The following SHISA9 variants were observed in gnomAD, a reference collection of about 807,000 sequenced individuals.
SHISA9 encodes protein shisa-9.
Under a neutral mutation model 38.0 loss-of-function variants are expected in SHISA9, and 13 were observed. The ratio of observed to expected loss-of-function variants is 0.34; its 90% CI spans 0.22 to 0.54. The LOEUF is 0.54. Ranked by LOEUF, SHISA9 falls within the 20% of genes least tolerant of loss-of-function variation. The pLI, the probability that SHISA9 is intolerant of heterozygous loss-of-function variation, is 0.91. For missense variants in SHISA9, 538 were observed against 575.8 expected (o/e 0.93, Z 0.67); for synonymous variants, 275 against 242.0 (o/e 1.14, Z -1.27).
intron 2 of SHISA9, among the ~76,000 whole-genome samples, chr16:12,984,241 C>A (rs926014771): frequency 6.6e-6 from 1 of 152,146 alleles, no homozygotes; most frequent in African/African-American, 2.4e-5. Flanking sequence ...AGAGGAGGTG[C>A]TGAGTGCCAG....
the SHISA9 span, among the ~76,000 whole-genome samples, chr16:13,394,489 G>A: frequency 6.6e-6 from 1 of 152,106 alleles, no homozygotes; most frequent in Non-Finnish European, 1.5e-5. Context: ...TCTACACTCA[G>A]TTCAGATGTT....
At chr16:13,334,378 G>C in the SHISA9 span, among the ~76,000 whole-genome samples, 1 of 152,204 alleles carries the variant, frequency 6.6e-6, no homozygotes, top group African/African-American at 2.4e-5. Flanking sequence ...TTTGAAATTA[G>C]AGTCCTGCTA....
At chr16:13,485,262 A>G in the SHISA9 span, among the ~76,000 whole-genome samples, 2 of 150,742 alleles carry the variant, frequency 1.3e-5, no homozygotes, top group Non-Finnish European at 3.0e-5. Context: ...TCATTGGTCA[A>G]CTCCCACTTA....
chr16:13,198,672 A>G (rs1216908830), intron 2 of SHISA9, among the ~76,000 whole-genome samples: 2 of 152,204 alleles, frequency 1.3e-5, no homozygotes, highest in East Asian at 3.8e-4. Context: ...CTTCCTGTCC[A>G]GTGAAAAGAA....
chr16:13,162,881 A>G (rs1429936367), intron 2 of SHISA9, among the ~76,000 whole-genome samples: 1 of 152,020 alleles, frequency 6.6e-6, no homozygotes, highest in Admixed American at 6.6e-5. Flanking sequence ...AGCACATCTT[A>G]TTTTATCACC....
At chr16:13,492,212 C>T in the SHISA9 span, among the ~76,000 whole-genome samples, 1 of 152,078 alleles carries the variant, frequency 6.6e-6, no homozygotes, top group African/African-American at 2.4e-5. Context: ...TCAAATACAG[C>T]TTCCCCAGCA....
At chr16:13,179,210 T>C (rs543533696) in intron 2 of SHISA9, among the ~76,000 whole-genome samples, 3 of 152,206 alleles carry the variant, frequency 2.0e-5, no homozygotes, top group African/African-American at 4.8e-5. Context: ...TCCCACCTAT[T>C]CAGGAGGCTG....
chr16:13,284,124 C>T, the SHISA9 span, among the ~76,000 whole-genome samples: 1 of 152,192 alleles, frequency 6.6e-6, no homozygotes, highest in African/African-American at 2.4e-5. Flanking sequence ...TGCTCTCTGC[C>T]TTCTCAACTT....
the SHISA9 span, among the ~76,000 whole-genome samples, chr16:13,377,032 A>G: frequency 6.6e-6 from 1 of 152,326 alleles, no homozygotes; most frequent in East Asian, 1.9e-4. Flanking sequence ...GTTAATGAGA[A>G]AAAAACCTTT....
At chr16:12,969,401 T>A (rs2072025248) in intron 2 of SHISA9, among the ~76,000 whole-genome samples, 1 of 150,674 alleles carries the variant, frequency 6.6e-6, no homozygotes, top group African/African-American at 2.4e-5. Flanking sequence ...GCTCACTTGG[T>A]GGAAATTCAT....
rs568355271 is a variant in SHISA9, at chr16:12,978,090, G to T, written c.691+61275G>T. Among the ~76,000 whole-genome samples, 321 of 152,304 alleles carry T rather than the reference G, an allele frequency of 2.1e-3. 1 individual carries two copies. Among genetic ancestry groups the T allele is most frequent in the African/African-American group, 7.1e-3 (294 of 41,556 alleles). ...GACTAGTTGGTGCAAAGACAGGCAAGAGAAACAAACAGAAAGGGAGTACTT... is the reference window on the plus strand; with the variant it reads ...GACTAGTTGGTGCAAAGACAGGCAATAGAAACAAACAGAAAGGGAGTACTT... On this transcript the variant is annotated intron_variant, in intron 2 of 4. Coordinates refer to ENST00000558583, the MANE Select transcript of SHISA9 (RefSeq NM_001145204.3).
intron 2 of SHISA9, among the ~76,000 whole-genome samples, chr16:13,181,286 TATATATATATATATATATATATATATAC>T (rs1194580080): frequency 2.9e-4 from 12 of 41,048 alleles, no homozygotes; most frequent in South Asian, 2.2e-3. Flanking sequence ...TATATATATA[TATATATATATATATATATATATATATAC>T]ACACACACAC....
chr16:12,960,234 T>C (rs923419146), intron 2 of SHISA9, among the ~76,000 whole-genome samples: 1 of 152,250 alleles, frequency 6.6e-6, no homozygotes, highest in African/African-American at 2.4e-5. Flanking sequence ...TCCGTCACAA[T>C]GTCTAGCGTA....
At chr16:13,078,982 G>A (rs2073616117) in intron 2 of SHISA9, among the ~76,000 whole-genome samples, 1 of 152,230 alleles carries the variant, frequency 6.6e-6, no homozygotes, top group African/African-American at 2.4e-5. Flanking sequence ...CTGGGACTAT[G>A]CAGCAGCCAG....
chr16:13,241,404 G>A (rs2051434271), downstream of SHISA9, among the ~76,000 whole-genome samples: 1 of 152,170 alleles, frequency 6.6e-6, no homozygotes, highest in African/African-American at 2.4e-5. Flanking sequence ...TACTCAGGAG[G>A]CTGAGGCAGG....
At chr16:13,297,469 A>T in the SHISA9 span, among the ~76,000 whole-genome samples, 2 of 152,144 alleles carry the variant, frequency 1.3e-5, no homozygotes, top group African/African-American at 2.4e-5. Context: ...AGATGATGGG[A>T]TGGAGAGTGC....
At chr16:13,251,304 C>G in the SHISA9 span, among the ~76,000 whole-genome samples, 1 of 152,174 alleles carries the variant, frequency 6.6e-6, no homozygotes, top group African/African-American at 2.4e-5. Context: ...ATTTCTTGAT[C>G]CCCGCTTCAC....
chr16:12,919,574 T>A (rs1479704121), intron 2 of SHISA9, among the ~76,000 whole-genome samples: 1 of 152,194 alleles, frequency 6.6e-6, no homozygotes, highest in East Asian at 1.9e-4. Context: ...TAAGTTTTAG[T>A]CAAATGGTAA....
intron 2 of SHISA9, among the ~76,000 whole-genome samples, chr16:13,019,874 CCCTCCCTCCCTT>C (rs1396211944): frequency 0.03 from 987 of 32,924 alleles, 44 homozygotes; most frequent in African/African-American, 0.076. Flanking sequence ...CTCCCTCCCT[CCCTCCCTCCCTT>C]CTTTCTTTCT....
Sources: gnomAD v4.1 joint callset for allele counts (sites outside exome capture counted in the v4.1 genomes callset) on GRCh38, gnomAD v4.1.1 for gene constraint, MANE v1.5 for transcripts, NCBI Gene and HGNC (gene_info 2026-07-23, HGNC 2026-07-21) for gene names.